Variants in SMG1 observed in about 807,000 individuals in gnomAD.
The protein encoded by SMG1 is serine/threonine-protein kinase SMG1.
A neutral mutation model predicts 419.9 loss-of-function variants in SMG1; 22 were observed. The ratio of observed to expected loss-of-function variants is 0.05; its 90% CI spans 0.04 to 0.07. The LOEUF is 0.07. Ranked by LOEUF, SMG1 falls within the 10% of genes least tolerant of loss-of-function variation. The pLI is 1.00. For synonymous variants in SMG1, 1,538 were observed against 1,553.5 expected (o/e 0.99, Z 0.23); for missense variants, 3,185 against 4,342.0 (o/e 0.73, Z 7.49).
chr16:18,910,481 C>T (rs908130430), intron 1 of SMG1, among the ~76,000 whole-genome samples: 3 of 151,694 alleles, frequency 2.0e-5, no homozygotes, highest in Admixed American at 2.0e-4. Context: ...CTGACAGCCT[C>T]GGACTCCCAA....
Position 18,890,558 on chromosome 16 carries a change from G to A in SMG1, c.608+305C>T, listed in dbSNP as rs559169388. ...CCAGCTACTTGGGAGGCTGAGGCAG[G>A]AGAATCACTTGAACCCGAGAGGTGG... On this transcript the variant is annotated intron_variant, in intron 5 of 62. Transcript: ENST00000446231. Among the ~76,000 whole-genome samples, 7 of 152,330 alleles carry A rather than the reference G, an allele frequency of 4.6e-5. No homozygotes were observed. In the East Asian group the frequency reaches 1.2e-3, roughly 25 times the overall value.
chr16:18,910,843 A>T (rs1314869631), intron 1 of SMG1, among the ~76,000 whole-genome samples: 1 of 152,166 alleles, frequency 6.6e-6, no homozygotes, highest in Non-Finnish European at 1.5e-5. Context: ...AAATTAAAAT[A>T]AAAATATGTA....
chr16:18,855,075 C>A (rs893946943), intron 29 of SMG1, among the ~76,000 whole-genome samples, 171 bp from the exon 30 acceptor site: 2 of 152,176 alleles, frequency 1.3e-5, no homozygotes, highest in Non-Finnish European at 2.9e-5. Flanking sequence ...ATACAATGAA[C>A]AGGTTTTGCT....
In SMG1 at chr16:18,879,638, A is replaced by G. The variant is rs1442069355; in HGVS notation, c.1375T>C (p.Cys459Arg). ...SEAVLTAANE[C>R]VGVLLGSLDP... is the part of the protein sequence containing the mutation. The stretch of plus-strand genomic sequence containing the variant: ...AAGCTGCCGAGCAAAACACCAACAC[A>G]CTCATTAGCAGCTGTCAACACAGCC... Residue 459 changes from cysteine (C) to arginine (R), a missense_variant, in exon 11 of 63, where the codon TGT (cysteine) becomes CGT (arginine). By Grantham distance (180) the Cys-to-Arg change is radical (BLOSUM62 -3). Around this residue, in one of 27 missense-constraint regions of SMG1, gnomAD observed 6 missense variants for 43.7 expected, o/e 0.14. Transcript: ENST00000446231. The G allele has an allele frequency of 3.3e-6, 5 of 1,508,512 alleles. No individual in the cohort carries two copies. The highest frequency in any genetic ancestry group is 3.6e-6 in the Non-Finnish European group (4 of 1,114,400). 93.4% of individuals were successfully genotyped at this position (1,508,512 alleles called of 1,614,324 possible).
At chr16:18,910,477 G>A (rs2037750034) in intron 1 of SMG1, among the ~76,000 whole-genome samples, 2 of 151,694 alleles carry the variant, frequency 1.3e-5, no homozygotes, top group Non-Finnish European at 2.9e-5. Context: ...TGATCTGACA[G>A]CCTCGGACTC....
chr16:18,912,201 TG>T (rs1469398577), intron 1 of SMG1, among the ~76,000 whole-genome samples: 21 of 150,866 alleles, frequency 1.4e-4, no homozygotes, highest in African/African-American at 4.6e-4. Context: ...TTTTTTTTTT[TG>T]AAAAAGAAAA....
At chr16:18,924,480 T>C (rs958270397) in intron 1 of SMG1, among the ~76,000 whole-genome samples, 2 of 152,206 alleles carry the variant, frequency 1.3e-5, no homozygotes, top group African/African-American at 4.8e-5. Context: ...AGAAAATCCA[T>C]TGTCATTTAT....
chr16:18,812,643 C>CAA (rs879421299), intron 60 of SMG1, among the ~76,000 whole-genome samples: 1 of 133,628 alleles, frequency 7.5e-6, no homozygotes, highest in African/African-American at 3.0e-5. Context: ...TATATATACA[C>CAA]ATATACACAC....
chr16:18,924,498 CTAATT>C (rs914000412), intron 1 of SMG1, among the ~76,000 whole-genome samples: 1 of 152,148 alleles, frequency 6.6e-6, no homozygotes, highest in Admixed American at 6.6e-5. Context: ...TATTTACCAC[CTAATT>C]TGTTAGATGC....
At chr16:18,854,628 T>C in intron 30 of SMG1, 28 bp downstream of exon 30, 2 of 1,587,680 alleles carry the variant, frequency 1.3e-6, no homozygotes, top group Non-Finnish European at 1.7e-6. Context: ...ATTATACTCA[T>C]GTATTAACCA....
Position 18,829,549 on chromosome 16 carries a change from C to A in SMG1, c.9340G>T (p.Gly3114Cys). 1 of 1,613,954 alleles carries A rather than the reference C, an allele frequency of 6.2e-7. No individual in the cohort carries two copies. Among genetic ancestry groups the A allele is most frequent in the Middle Eastern group, 1.7e-4 (1 of 6,060 alleles). ...LTLCSFISALGVDIIAQVEAK... is the reference protein window; with the variant it reads ...LTLCSFISALCVDIIAQVEAK... ...TCTACTTGAGCAATGATGTCTACACCCAGAGCACTGATAAAACTGCACAGT... is the reference window on the plus strand; with the variant it reads ...TCTACTTGAGCAATGATGTCTACACACAGAGCACTGATAAAACTGCACAGT... Residue 3114 changes from glycine (G) to cysteine (C), a missense_variant, in exon 54 of 63, where the codon GGT becomes TGT. By Grantham distance (159) the Gly-to-Cys change is radical. Transcript: ENST00000446231.
At chr16:18,821,393 A>G (rs1341544962) in intron 55 of SMG1, among the ~76,000 whole-genome samples, 1 of 38,124 alleles carries the variant, frequency 2.6e-5, no homozygotes, top group East Asian at 3.6e-4. Context: ...TCCCAATGCT[A>G]TCCCTCCCGC....
chr16:18,896,904 C>G lies in SMG1; in HGVS notation c.145G>C (p.Asp49His). 2 of 1,601,550 alleles carry G rather than the reference C, an allele frequency of 1.2e-6. No individual in the cohort carries two copies. Among genetic ancestry groups the G allele is most frequent in the African/African-American group, 2.7e-5 (2 of 74,838 alleles). The change falls in exon 2 of 63, where the codon GAT becomes CAT. Residue 49 changes from aspartate to histidine, a missense_variant. By Grantham distance (81) the Asp-to-His change is moderately conservative. Transcript: ENST00000446231. ...PDNLKYSSSRDRGGSSSYGLQ... is the reference protein window; with the variant it reads ...PDNLKYSSSRHRGGSSSYGLQ... ...CCATAAGAGGAAGAACCACCTCTAT[C>G]TCTGGATGAAGAATATTTTAAATTA...
At chr16:18,815,038 A>C (rs1285922462) in intron 60 of SMG1, 137 bp downstream of exon 60, 2 of 630,146 alleles carry the variant, frequency 3.2e-6, no homozygotes, top group Non-Finnish European at 5.4e-6. Flanking sequence ...TTTAAGGATA[A>C]GCTAAAATCT....
intron 25 of SMG1, 127 bp downstream of exon 25, chr16:18,863,523 T>C (rs1239358813): frequency 3.6e-6 from 3 of 831,174 alleles, no homozygotes; most frequent in Non-Finnish European, 3.9e-6. Context: ...ATTTTCATAA[T>C]GGCAGTAAGT....
At chr16:18,901,971 G>T (rs951709000) in intron 1 of SMG1, among the ~76,000 whole-genome samples, 1 of 148,618 alleles carries the variant, frequency 6.7e-6, no homozygotes, top group African/African-American at 2.5e-5. Flanking sequence ...GGTGGCGGTG[G>T]GGGGAAGGTG....
chr16:18,835,204 C>T (rs1181084026), intron 48 of SMG1, 40 bp from the exon 49 acceptor site: 2 of 1,563,926 alleles, frequency 1.3e-6, no homozygotes, highest in African/African-American at 2.7e-5. Flanking sequence ...ATAACACAAC[C>T]ACCCCCAACA....
At chr16:18,920,090 T>TAA (rs36117552) in intron 1 of SMG1, among the ~76,000 whole-genome samples, 9 of 148,930 alleles carry the variant, frequency 6.0e-5, no homozygotes, top group Admixed American at 3.4e-4. Flanking sequence ...AACTATGTCT[T>TAA]AAAAAAAAAG....
chr16:18,898,996 G>T (rs922358419), intron 1 of SMG1, among the ~76,000 whole-genome samples: 1 of 152,184 alleles, frequency 6.6e-6, no homozygotes, highest in African/African-American at 2.4e-5. Flanking sequence ...ATGCAAGGTT[G>T]TTGTGAGGCT....
Sources: allele counts gnomAD v4.1 joint callset (sites outside exome capture counted in the v4.1 genomes callset), GRCh38; gene constraint gnomAD v4.1.1; regional missense constraint gnomAD v4.1.1; transcripts MANE v1.5; gene names NCBI Gene and HGNC (gene_info 2026-07-23, HGNC 2026-07-21).